FBN1: variants seen among roughly 807,000 people sequenced by gnomAD.
FBN1 encodes the protein fibrillin-1.
FBN1 carries 29 observed loss-of-function variants against 365.1 expected under a neutral mutation model. The observed-to-expected ratio is 0.08, with a 90% CI of 0.06 to 0.11. The LOEUF (loss-of-function observed/expected upper bound fraction) is 0.11. Among genes scored for constraint, FBN1 ranks in the 10% least tolerant of loss-of-function variants. FBN1 has a pLI of 1.00. For missense variants in FBN1, 2,476 were observed against 3,703.2 expected (o/e 0.67, Z 8.60); for synonymous variants, 1,210 against 1,270.5 (o/e 0.95, Z 1.01).
intron 2 of FBN1, among the ~76,000 whole-genome samples, chr15:48,632,131 C>A (rs576266764): frequency 6.6e-6 from 1 of 151,544 alleles, no homozygotes; most frequent in Non-Finnish European, 1.5e-5. Flanking sequence ...AAAAACTTAT[C>A]CCCAAACTGC....
chr15:48,537,573 A>C lies in FBN1; in HGVS notation c.736+38T>G, dbSNP rs201239444. On this transcript the variant is annotated intron_variant, in intron 7 of 65. Coordinates refer to ENST00000316623, the MANE Select transcript of FBN1 (RefSeq NM_000138.5). ...GGAGAATGGCTCTCCAGAGCAAATA[A>C]GATTAATCCATTAATAATTCCATCA... is the stretch of plus-strand genomic sequence containing the variant. The C allele has an allele frequency of 7.8e-5, 126 of 1,611,196 alleles. No homozygotes were observed. The African/African-American group carries it at 1.5e-3, about 19-fold the overall frequency.
At chr15:48,468,209 T>C (rs2043339118) in intron 37 of FBN1, 107 bp from the exon 38 acceptor site, 2 of 1,462,754 alleles carry the variant, frequency 1.4e-6, no homozygotes, top group Non-Finnish European at 1.9e-6. Context: ...TTACTTTTAC[T>C]GAGAAACTAA....
At chr15:48,580,363 A>G (rs2044382560) in intron 6 of FBN1, among the ~76,000 whole-genome samples, 3 of 152,176 alleles carry the variant, frequency 2.0e-5, no homozygotes, top group African/African-American at 2.4e-5. Flanking sequence ...CAATCGATCA[A>G]TCAGTCTCTT....
chr15:48,440,898 A>AT (rs1373625371), intron 50 of FBN1, among the ~76,000 whole-genome samples: 4 of 68,828 alleles, frequency 5.8e-5, no homozygotes, highest in African/African-American at 1.5e-4. Context: ...CCAAAAAACC[A>AT]TGAAAAAAAA....
chr15:48,606,902 C>T (rs1021549482), intron 4 of FBN1, among the ~76,000 whole-genome samples: 2 of 152,156 alleles, frequency 1.3e-5, no homozygotes, highest in Non-Finnish European at 2.9e-5. Flanking sequence ...TGGATTTATG[C>T]CATTATCTCA....
Position 48,617,274 on chromosome 15 carries a change from G to A in FBN1, c.165-4182C>T, listed in dbSNP as rs1328042100. On this transcript the variant is annotated intron_variant, in intron 2 of 65. Coordinates refer to ENST00000316623, the MANE Select transcript of FBN1 (RefSeq NM_000138.5). The stretch of plus-strand genomic sequence containing the variant: ...ACCTCAACCTCCGCCTCCCGGGTTC[G>A]ATAGATTTTTCTGCCTCAGCCTCCT... Among the ~76,000 whole-genome samples the A allele has an allele frequency of 2.0e-5, 3 of 151,954 alleles. No individual in the cohort carries two copies. In the East Asian group the frequency reaches 5.8e-4, roughly 29 times the overall value.
intron 55 of FBN1, 117 bp from the exon 56 acceptor site, chr15:48,430,919 A>G: frequency 1.1e-6 from 1 of 931,390 alleles, no homozygotes; most frequent in Non-Finnish European, 1.7e-6. Flanking sequence ...TTATTTCACT[A>G]CTGGCTGTAT....
chr15:48,585,735 T>C (rs1298277872), intron 6 of FBN1, among the ~76,000 whole-genome samples: 1 of 152,248 alleles, frequency 6.6e-6, no homozygotes, highest in African/African-American at 2.4e-5. Context: ...AGACTATACA[T>C]AAACCTCTAT....
chr15:48,530,214 T>C lies in FBN1; in HGVS notation c.862+3866A>G, dbSNP rs538751722. ...CAACTTGAAAATGGAGTCTGAATTC[T>C]TATCCATGCTGCATCCGCCGCCTGA... is the stretch of plus-strand genomic sequence containing the variant. On this transcript the variant is annotated intron_variant, in intron 8 of 65. Coordinates refer to ENST00000316623, the MANE Select transcript of FBN1 (RefSeq NM_000138.5). Among the ~76,000 whole-genome samples the C allele has an allele frequency of 7.0e-4, 98 of 139,012 alleles. 1 individual carries two copies. Among genetic ancestry groups the C allele is most frequent in the African/African-American group, 2.4e-3 (91 of 37,526 alleles). The allele number at this position is 139,012 out of a possible 152,430, so 91.2% of individuals were successfully genotyped here.
intron 3 of FBN1, among the ~76,000 whole-genome samples, chr15:48,611,105 C>G (rs1048553195): frequency 6.6e-6 from 1 of 152,094 alleles, no homozygotes; most frequent in Non-Finnish European, 1.5e-5. Context: ...AAGCCCAGGA[C>G]AGGCTATGAA....
In FBN1 at chr15:48,434,710, G is replaced by T; in HGVS notation, c.6500C>A (p.Thr2167Asn). ...AGGATTGCCAACAGAACATTCATCA[G>T]TATCTGCAAGAAACCAGGAATGTGT... The part of the protein sequence containing the change: ...YILAGNECVD[T>N]DECSVGNPCG... Residue 2167 changes from threonine to asparagine, a missense_variant, in exon 54 of 66, where the codon ACT becomes AAT. By Grantham distance (65) the Thr-to-Asn change is moderately conservative. Around this residue, in one of 5 missense-constraint regions of FBN1, gnomAD observed 1,780 missense variants for 2,840.8 expected, o/e 0.63. Coordinates refer to ENST00000316623, the MANE Select transcript of FBN1 (RefSeq NM_000138.5). 6.2e-7 allele frequency: 1 copy of T among 1,613,516 alleles called. No homozygotes were observed. Among genetic ancestry groups the T allele is most frequent in the Middle Eastern group, 1.7e-4 (1 of 6,026 alleles).
rs1292540628 is a variant in FBN1 at position 48,463,915 on chromosome 15, C to G, written c.5049G>C (p.Gly1683=). The G allele has an allele frequency of 1.2e-6, 2 of 1,613,366 alleles. No individual in the cohort carries two copies. The highest frequency in any genetic ancestry group is 2.2e-5 in the South Asian group (2 of 90,944). Residue 1683 remains glycine (G), a synonymous_variant, in exon 41 of 66, where the codon GGG becomes GGC. Coordinates refer to ENST00000316623, the MANE Select transcript of FBN1 (RefSeq NM_000138.5). ...ICPPDYMQVN[G]GNNCMDMRRS... ...TGGACTTACCCATGCAATTATTTCCCCCATTCACTTGCATGTAGTCTGGAG... is the reference window on the plus strand; with the variant it reads ...TGGACTTACCCATGCAATTATTTCCGCCATTCACTTGCATGTAGTCTGGAG...
intron 32 of FBN1, among the ~76,000 whole-genome samples, chr15:48,481,350 T>C (rs777888167): frequency 3.3e-5 from 5 of 152,196 alleles, no homozygotes; most frequent in African/African-American, 4.8e-5. Flanking sequence ...ATTTGGTAAT[T>C]AGCATGTTCA....
rs371371327 is a variant in FBN1, at chr15:48,558,787, C to T, written c.539-20979G>A. On this transcript the variant is annotated intron_variant, in intron 6 of 65. Coordinates refer to ENST00000316623, the MANE Select transcript of FBN1 (RefSeq NM_000138.5). ...TTCTGACAATCAATGTTTATAATTCCATGAAAATTTTTGAAGTATCGTGGG... is the reference window on the plus strand; with the variant it reads ...TTCTGACAATCAATGTTTATAATTCTATGAAAATTTTTGAAGTATCGTGGG... Among the ~76,000 whole-genome samples, 24 of 152,248 alleles carry T rather than the reference C, an allele frequency of 1.6e-4. No homozygotes were observed. The East Asian group carries it at 4.2e-3, about 27-fold the overall frequency.
intron 7 of FBN1, among the ~76,000 whole-genome samples, chr15:48,534,759 A>C (rs2044001203): frequency 6.6e-6 from 1 of 152,224 alleles, no homozygotes; most frequent in African/African-American, 2.4e-5. Flanking sequence ...ATTCTGGAGA[A>C]GTGCCTTGCA....
At chr15:48,586,981 G>A (rs1014175149) in intron 6 of FBN1, among the ~76,000 whole-genome samples, 5 of 152,136 alleles carry the variant, frequency 3.3e-5, no homozygotes, top group African/African-American at 9.7e-5. Context: ...AGTAAAAACA[G>A]TTTCCTTCCT....
chr15:48,419,428 C>T (rs936277111), intron 63 of FBN1, among the ~76,000 whole-genome samples: 2 of 152,116 alleles, frequency 1.3e-5, no homozygotes, highest in East Asian at 1.9e-4. Flanking sequence ...CAGACAGGCT[C>T]ATAAACTGGG....
chr15:48,502,073 C>T (rs182212106), intron 17 of FBN1, among the ~76,000 whole-genome samples: 30 of 152,192 alleles, frequency 2.0e-4, no homozygotes, highest in African/African-American at 7.0e-4. Flanking sequence ...CTGTCACCCA[C>T]GCTGGAGAAC....
intron 6 of FBN1, among the ~76,000 whole-genome samples, chr15:48,542,065 C>T (rs1423705430): frequency 1.3e-5 from 2 of 152,154 alleles, no homozygotes; most frequent in South Asian, 2.1e-4. Flanking sequence ...TCTCCAGTCC[C>T]GTTAGATTTG....
Sources: allele counts gnomAD v4.1 joint callset (sites outside exome capture counted in the v4.1 genomes callset), GRCh38; gene constraint gnomAD v4.1.1; regional missense constraint gnomAD v4.1.1; transcripts MANE v1.5; gene names NCBI Gene and HGNC (gene_info 2026-07-23, HGNC 2026-07-21).